SUPT3H: variants seen among roughly 807,000 people sequenced by gnomAD.
SUPT3H encodes the protein SPT3 homolog, SAGA and STAGA complex component.
Under a neutral mutation model 44.3 loss-of-function variants are expected in SUPT3H, and 44 were observed. The ratio of observed to expected loss-of-function variants is 0.99; its 90% confidence interval spans 0.78 to 1.28. The LOEUF (loss-of-function observed/expected upper bound fraction) is 1.28, where lower values mean the gene tolerates loss of function less well. Ranked by LOEUF, SUPT3H falls within the 50% of genes most tolerant of loss-of-function variation. The pLI is 0.00. For missense variants in SUPT3H, 380 were observed against 387.1 expected (o/e 0.98, Z 0.15); for synonymous variants, 124 against 125.6 (o/e 0.99, Z 0.09).
Position 45,328,230 on chromosome 6 carries a change from T to C in SUPT3H, c.101+36971A>G, listed in dbSNP as rs1161810451. 1.3e-5 allele frequency: 16 copies of C among 1,268,780 alleles called. No individual in the cohort carries two copies. In the East Asian group the frequency reaches 8.4e-4, roughly 66 times the overall value. The allele number at this position is 1,268,780 out of a possible 1,614,324, so 78.6% of individuals were successfully genotyped here. On this transcript the variant is annotated intron_variant, in intron 2 of 10. Transcript: ENST00000371459. ...GCAGTCCCACTTTACTTAAGAGTAC[T>C]GTGAGGTCACAAACCACATGATTCT...
At chr6:45,126,008 T>C in intron 2 of SUPT3H, among the ~76,000 whole-genome samples, 1 of 152,108 alleles carries the variant, frequency 6.6e-6, no homozygotes, top group Non-Finnish European at 1.5e-5. Context: ...GACCCAAACA[T>C]GATCTCTTAA....
At chr6:45,092,206 C>CA (rs200680329) in intron 3 of SUPT3H, among the ~76,000 whole-genome samples, 66 of 150,946 alleles carry the variant, frequency 4.4e-4, no homozygotes, top group African/African-American at 1.1e-3. Context: ...TACTCTACTG[C>CA]AAAAAAAACC....
intron 2 of SUPT3H, among the ~76,000 whole-genome samples, chr6:45,134,840 C>G (rs1804024484): frequency 6.6e-6 from 1 of 152,184 alleles, no homozygotes; most frequent in Non-Finnish European, 1.5e-5. Flanking sequence ...CCTATGGGGA[C>G]TATCATCAGT....
At chr6:44,916,916 G>A (rs990661499) in intron 10 of SUPT3H, among the ~76,000 whole-genome samples, 4 of 152,016 alleles carry the variant, frequency 2.6e-5, no homozygotes, top group South Asian at 4.2e-4. Flanking sequence ...CAGCTGGATC[G>A]CTTGAGTTCA....
chr6:45,001,700 T>C (rs1356340028), intron 6 of SUPT3H, among the ~76,000 whole-genome samples: 2 of 152,172 alleles, frequency 1.3e-5, no homozygotes, highest in South Asian at 2.1e-4. Flanking sequence ...GGGGAGAAGG[T>C]AGTAAACAAA....
intron 2 of SUPT3H, among the ~76,000 whole-genome samples, chr6:45,136,434 A>G (rs1448104811): frequency 1.3e-5 from 2 of 152,192 alleles, no homozygotes; most frequent in African/African-American, 2.4e-5. Flanking sequence ...ATTATAAGAT[A>G]TAACAAACAA....
intron 3 of SUPT3H, among the ~76,000 whole-genome samples, chr6:45,086,320 A>G (rs1394170960): frequency 2.0e-5 from 3 of 152,070 alleles, no homozygotes; most frequent in Non-Finnish European, 2.9e-5. Flanking sequence ...ATATTAATCG[A>G]CACCTTTAAA....
At chr6:45,252,425 G>A (rs1305089242) in intron 2 of SUPT3H, among the ~76,000 whole-genome samples, 3 of 152,142 alleles carry the variant, frequency 2.0e-5, no homozygotes, top group African/African-American at 4.8e-5. Context: ...AAACAACACA[G>A]ATTCAGGGAA....
chr6:45,123,729 A>G (rs1189267307), intron 2 of SUPT3H, among the ~76,000 whole-genome samples: 1 of 152,158 alleles, frequency 6.6e-6, no homozygotes, highest in Non-Finnish European at 1.5e-5. Context: ...AATATCTTCA[A>G]CTTTGTGGGC....
chr6:45,016,346 T>G (rs1784270847), intron 4 of SUPT3H, among the ~76,000 whole-genome samples: 1 of 151,886 alleles, frequency 6.6e-6, no homozygotes, highest in African/African-American at 2.4e-5. Context: ...ATTTATTTTT[T>G]TATTTTATTA....
Position 45,205,055 on chromosome 6 carries a change from G to A in SUPT3H, c.102-99049C>T, listed in dbSNP as rs76152122. ...ATTTTAACTATAGAAATAATATCTC[G>A]TAGATTCCAGTTTTATACTGTACTA... On this transcript the variant is annotated intron_variant, in intron 2 of 10. Coordinates refer to ENST00000371459, the MANE Select transcript of SUPT3H (RefSeq NM_003599.4). Among the ~76,000 whole-genome samples, 1,697 of 151,986 alleles carry A rather than the reference G, an allele frequency of 0.011. 100 individuals are homozygous for A. In the East Asian group the frequency reaches 0.13, roughly 12 times the overall value.
At chr6:45,010,898 C>T (rs1783390917) in intron 5 of SUPT3H, among the ~76,000 whole-genome samples, 1 of 152,038 alleles carries the variant, frequency 6.6e-6, no homozygotes, top group African/African-American at 2.4e-5. Flanking sequence ...CCTTCTCTTC[C>T]TGGTTTGTTG....
At chr6:45,198,872 T>C (rs1397107080) in intron 2 of SUPT3H, among the ~76,000 whole-genome samples, 3 of 151,336 alleles carry the variant, frequency 2.0e-5, no homozygotes, top group Non-Finnish European at 4.5e-5. Flanking sequence ...TATTTTAAGC[T>C]TTGAATAATA....
At chr6:44,842,935 A>T (rs1771230492) in intron 10 of SUPT3H, among the ~76,000 whole-genome samples, 1 of 152,166 alleles carries the variant, frequency 6.6e-6, no homozygotes, top group Non-Finnish European at 1.5e-5. Context: ...CTGACTTTTG[A>T]AAAGAAACAT....
At position 45,230,686 on chromosome 6, in the gene SUPT3H, A is replaced by ATATATATATATTTT. The variant is rs796866510; in HGVS notation, c.102-124681_102-124680insAAAATATATATATA. Among the ~76,000 whole-genome samples the ATATATATATATTTT allele has an allele frequency of 6.0e-5, 7 of 116,822 alleles. No individual in the cohort carries two copies. In the South Asian group the frequency reaches 2.2e-3, roughly 36 times the overall value. 76.6% of individuals were successfully genotyped at this position (116,822 alleles called of 152,430 possible). On this transcript the variant is annotated intron_variant, in intron 2 of 10. Transcript: ENST00000371459. ...TCTATATATATATATATATATATATATTTTTGAGATGGAGTCTTGCTCTAT... is the reference window on the plus strand; with the variant it reads ...TCTATATATATATATATATATATATATATATATATATTTTTTTTTGAGATGGAGTCTTGCTCTAT...
At chr6:45,273,799 A>G (rs1458039981) in intron 2 of SUPT3H, among the ~76,000 whole-genome samples, 1 of 152,166 alleles carries the variant, frequency 6.6e-6, no homozygotes, top group African/African-American at 2.4e-5. Flanking sequence ...GTGTGGACTT[A>G]TATTTTCATT....
chr6:45,297,767 C>A (rs1236618241), intron 2 of SUPT3H, among the ~76,000 whole-genome samples: 3 of 152,138 alleles, frequency 2.0e-5, no homozygotes, highest in Non-Finnish European at 4.4e-5. Context: ...ATACTTTAGG[C>A]TCCCTATGCA....
chr6:45,056,160 TA>T (rs1791086963), intron 3 of SUPT3H, among the ~76,000 whole-genome samples: 1 of 152,038 alleles, frequency 6.6e-6, no homozygotes, highest in Non-Finnish European at 1.5e-5. Context: ...AGAATGGCCA[TA>T]ATCAAAAAAT....
intron 2 of SUPT3H, among the ~76,000 whole-genome samples, chr6:45,275,097 T>C (rs980346321): frequency 2.6e-5 from 4 of 152,206 alleles, no homozygotes; most frequent in Admixed American, 2.0e-4. Flanking sequence ...TTTTTGTACC[T>C]ATATTCATAA....
Sources: allele counts gnomAD v4.1 joint callset (sites outside exome capture counted in the v4.1 genomes callset), GRCh38; gene constraint gnomAD v4.1.1; transcripts MANE v1.5; gene names NCBI Gene and HGNC (gene_info 2026-07-23, HGNC 2026-07-21).